Variants in CMSS1 observed in about 807,000 individuals in gnomAD.
The protein encoded by CMSS1 is cms1 ribosomal small subunit homolog.
A neutral mutation model predicts 43.5 loss-of-function variants in CMSS1; 33 were observed. The observed-to-expected ratio is 0.76, with a 90% confidence interval of 0.57 to 1.01. The LOEUF is 1.01. Among genes scored for constraint, CMSS1 ranks in the 50% least tolerant of loss-of-function variants. The probability of loss-of-function intolerance (pLI) is 0.00; values close to 1 mark genes in which losing one functional copy is unlikely to be tolerated. For missense variants in CMSS1, 313 were observed against 326.4 expected (o/e 0.96, Z 0.32); for synonymous variants, 115 against 117.2 (o/e 0.98, Z 0.12).
chr3:99,961,489 A>C (rs551943817), intron 1 of CMSS1, among the ~76,000 whole-genome samples: 1 of 152,152 alleles, frequency 6.6e-6, no homozygotes. Flanking sequence ...GCAAGGAGAC[A>C]GGCATTATGT....
chr3:100,014,895 C>CTTTTTTTTTTTTTTTTTTTTTTTTTCTTT (rs1233573719), intron 1 of CMSS1, among the ~76,000 whole-genome samples: 1 of 25,006 alleles, frequency 4.0e-5, no homozygotes, highest in Non-Finnish European at 7.0e-5. Context: ...TTCTTTCTTT[C>CTTTTTTTTTTTTTTTTTTTTTTTTTCTTT]TTTTTTTTTT....
At chr3:99,925,900 C>T (rs546602345) in intron 1 of CMSS1, 4 of 985,260 alleles carry the variant, frequency 4.1e-6, no homozygotes, top group East Asian at 2.3e-4. Context: ...TTTTGCCCAG[C>T]ACGGGGTAAG....
intron 1 of CMSS1, among the ~76,000 whole-genome samples, chr3:99,982,353 T>G (rs1054097827): frequency 6.6e-6 from 1 of 152,016 alleles, no homozygotes; most frequent in Non-Finnish European, 1.5e-5. Flanking sequence ...TACTTTTTTT[T>G]TTTTGAGACA....
chr3:100,046,739 A>G (rs896119987), intron 1 of CMSS1, among the ~76,000 whole-genome samples: 3 of 152,212 alleles, frequency 2.0e-5, no homozygotes, highest in African/African-American at 7.2e-5. Context: ...AAATGCTCTC[A>G]AGATGGTTTT....
chr3:99,970,996 T>A (rs1708797271), intron 1 of CMSS1, among the ~76,000 whole-genome samples: 2 of 152,116 alleles, frequency 1.3e-5, no homozygotes. Context: ...AGGGGCTGTA[T>A]TCACAAGATA....
At chr3:99,907,722 A>G (rs569460006) in intron 1 of CMSS1, among the ~76,000 whole-genome samples, 11 of 152,196 alleles carry the variant, frequency 7.2e-5, no homozygotes, top group African/African-American at 2.6e-4. Flanking sequence ...TCCACCTATA[A>G]TGATTTTTGT....
At chr3:100,060,533 C>T (rs1254867559) in intron 1 of CMSS1, among the ~76,000 whole-genome samples, 1 of 152,066 alleles carries the variant, frequency 6.6e-6, no homozygotes, top group Non-Finnish European at 1.5e-5. Flanking sequence ...TAGCTACCAC[C>T]TCTCACTGAG....
chr3:100,041,180 C>G (rs937182702), intron 1 of CMSS1: 2 of 152,028 alleles, frequency 1.3e-5, no homozygotes, highest in African/African-American at 4.8e-5. Context: ...TTCTGCCTGC[C>G]CCACCCTAAA....
chr3:100,085,193 G>A (rs2065988742), intron 1 of CMSS1, among the ~76,000 whole-genome samples: 1 of 152,116 alleles, frequency 6.6e-6, no homozygotes, highest in Admixed American at 6.5e-5. Context: ...AGTATCTAAG[G>A]TGATTATACC....
At chr3:100,113,417 G>C (rs2066523214) in intron 1 of CMSS1, among the ~76,000 whole-genome samples, 1 of 152,178 alleles carries the variant, frequency 6.6e-6, no homozygotes, top group African/African-American at 2.4e-5. Flanking sequence ...ACAAGTTCTT[G>C]ATAGGTATCT....
intron 1 of CMSS1, among the ~76,000 whole-genome samples, chr3:99,822,547 G>A (rs1468769261): frequency 6.6e-6 from 1 of 152,132 alleles, no homozygotes; most frequent in African/African-American, 2.4e-5. Flanking sequence ...CCTGGCCAAT[G>A]TGATGAAACC....
At chr3:99,822,515 G>C (rs1291699477) in intron 1 of CMSS1, among the ~76,000 whole-genome samples, 4 of 152,196 alleles carry the variant, frequency 2.6e-5, no homozygotes, top group Non-Finnish European at 5.9e-5. Context: ...TGGATCACCT[G>C]AGGTCAGGAG....
At chr3:100,014,895 C>CTTTTTTTTTTTTTTTTTTTTTTTTTCTT (rs1233573719) in intron 1 of CMSS1, among the ~76,000 whole-genome samples, 1 of 25,006 alleles carries the variant, frequency 4.0e-5, no homozygotes, top group Non-Finnish European at 7.0e-5. Flanking sequence ...TTCTTTCTTT[C>CTTTTTTTTTTTTTTTTTTTTTTTTTCTT]TTTTTTTTTT....
chr3:99,927,686 A>G (rs1227229635), intron 1 of CMSS1, among the ~76,000 whole-genome samples: 1 of 152,116 alleles, frequency 6.6e-6, no homozygotes, highest in African/African-American at 2.4e-5. Flanking sequence ...TCTATAATAT[A>G]TTTTTTGGAA....
chr3:99,875,475 T>C (rs1046505052), intron 1 of CMSS1, among the ~76,000 whole-genome samples: 13 of 152,232 alleles, frequency 8.5e-5, no homozygotes, highest in African/African-American at 3.1e-4. Flanking sequence ...CTCAAAACTA[T>C]GATAGTTACT....
At chr3:100,007,634 C>T (rs1710025653) in intron 1 of CMSS1, among the ~76,000 whole-genome samples, 1 of 152,184 alleles carries the variant, frequency 6.6e-6, no homozygotes, top group South Asian at 2.1e-4. Flanking sequence ...ACAGATTTTG[C>T]TCTAATTGCA....
intron 1 of CMSS1, among the ~76,000 whole-genome samples, chr3:100,015,831 T>A (rs894847227): frequency 2.0e-5 from 3 of 152,202 alleles, no homozygotes; most frequent in African/African-American, 7.2e-5. Flanking sequence ...TGTAAAATAA[T>A]CTCTATCACA....
chr3:99,922,180 A>G (rs1707146433), intron 1 of CMSS1, among the ~76,000 whole-genome samples: 1 of 152,262 alleles, frequency 6.6e-6, no homozygotes, highest in South Asian at 2.1e-4. Flanking sequence ...GTTCATAATA[A>G]TGAAAGATGA....
intron 1 of CMSS1, among the ~76,000 whole-genome samples, chr3:100,044,998 G>A (rs1020220958): frequency 5.9e-5 from 9 of 152,196 alleles, no homozygotes; most frequent in Non-Finnish European, 1.2e-4. Flanking sequence ...TAGCCTGGGC[G>A]TAGAGAGGAC....
Sources: gnomAD v4.1 joint callset for allele counts (sites outside exome capture counted in the v4.1 genomes callset) on GRCh38, gnomAD v4.1.1 for gene constraint, MANE v1.5 for transcripts, NCBI Gene and HGNC (gene_info 2026-07-23, HGNC 2026-07-21) for gene names.